The following NCAPG2 variants were observed in gnomAD, a reference collection of about 807,000 sequenced individuals.
NCAPG2 encodes the protein non-SMC condensin II complex subunit G2.
Under a neutral mutation model 141.1 loss-of-function variants are expected in NCAPG2, and 53 were observed. That is an observed-to-expected ratio of 0.38 (90% CI 0.30 to 0.47). The LOEUF (loss-of-function observed/expected upper bound fraction) is 0.47. NCAPG2 is among the 20% of genes least tolerant of loss of function. The probability of loss-of-function intolerance (pLI) is 0.99; values close to 1 mark genes in which losing one functional copy is unlikely to be tolerated. For missense variants in NCAPG2, 1,087 were observed against 1,389.0 expected (o/e 0.78, Z 3.46); for synonymous variants, 499 against 490.7 (o/e 1.02, Z -0.22).
At chr7:158,634,418 T>C (rs1321481882) in intron 27 of NCAPG2, among the ~76,000 whole-genome samples, 3 of 152,198 alleles carry the variant, frequency 2.0e-5, no homozygotes, top group Admixed American at 6.5e-5. Context: ...TGTTATATTA[T>C]ATTAGGGAAT....
At chr7:158,643,242 G>A (rs1587070129) in intron 27 of NCAPG2, among the ~76,000 whole-genome samples, 1 of 152,204 alleles carries the variant, frequency 6.6e-6, no homozygotes, top group East Asian at 1.9e-4. Flanking sequence ...GGGATTACAG[G>A]CCTAATTTTT....
In NCAPG2 at chr7:158,658,417, G is replaced by C; in HGVS notation, c.1990-9C>G. 6.3e-7 allele frequency: 1 copy of C among 1,596,488 alleles called. No individual in the cohort carries two copies. Among genetic ancestry groups the C allele is most frequent in the South Asian group, 1.1e-5 (1 of 88,352 alleles). ...ATCTTGCAGCGATCATCCTAAAAGC[G>C]AAAAAAGAAAAACAAAACAAAGCAT... On this transcript the variant is annotated splice_polypyrimidine_tract_variant and intron_variant, in intron 16 of 27. Transcript: ENST00000356309.
In NCAPG2 at chr7:158,683,354, C is replaced by T; in HGVS notation, c.870G>A (p.Met290Ile). The change falls in exon 9 of 28, where the codon ATG (methionine) becomes ATA (isoleucine). Residue 290 changes from methionine (M) to isoleucine (I), a missense_variant. Transcript: ENST00000356309. ...TCCTCGGAAGGTGTATCCCGTGGAA[C>T]ATGAAGTCCTGGATGCAATCATTTT... ...AIENDCIQDF[M>I]FHGIHLPRRS... is the part of the protein sequence containing the mutation. The T allele has an allele frequency of 6.2e-7, 1 of 1,606,906 alleles. No individual in the cohort carries two copies. The highest frequency in any genetic ancestry group is 8.5e-7 in the Non-Finnish European group (1 of 1,177,196).
In NCAPG2 at chr7:158,681,334, GA is replaced by G. The variant is rs1371044338; in HGVS notation, c.925-519del. Among the ~76,000 whole-genome samples, 7 of 152,270 alleles carry G rather than the reference GA, an allele frequency of 4.6e-5. No individual in the cohort carries two copies. In the East Asian group the frequency reaches 1.3e-3, roughly 29 times the overall value. ...GTATCAAGTTCCTCCCAAAACTTAT[GA>G]AAAAATCAGAAAATGATCATTCTTG... On this transcript the variant is annotated intron_variant, in intron 9 of 27. Transcript: ENST00000356309.
Position 158,656,309 on chromosome 7 carries a change from G to A in NCAPG2, c.2339C>T (p.Ala780Val), listed in dbSNP as rs371403261. 2.4e-5 allele frequency: 39 copies of A among 1,614,204 alleles called. No homozygotes were observed. Among genetic ancestry groups the A allele is most frequent in the Non-Finnish European group, 3.0e-5 (35 of 1,180,046 alleles). ...AAGATGGTTAAGTTTCTTCCGAGGAGCAGAGAGCAAGCACTCGCGGTTCTT... is the reference window on the plus strand; with the variant it reads ...AAGATGGTTAAGTTTCTTCCGAGGAACAGAGAGCAAGCACTCGCGGTTCTT... ...HPKNRECLLS[A>V]PRKKLNHLLK... The change falls in exon 19 of 28, where the codon GCT becomes GTT. Residue 780 changes from alanine to valine, a missense_variant. Ala to Val is a moderately conservative substitution (Grantham distance 64). Coordinates refer to ENST00000356309, the MANE Select transcript of NCAPG2 (RefSeq NM_017760.7).
intron 21 of NCAPG2, 135 bp from the exon 22 acceptor site, chr7:158,654,829 A>C (rs1831781442): frequency 7.2e-7 from 1 of 1,393,732 alleles, no homozygotes; most frequent in African/African-American, 1.5e-5. Context: ...TTATAAAGGA[A>C]TTTTCATAAA....
Position 158,683,316 on chromosome 7 carries a change from T to G in NCAPG2, c.908A>C (p.His303Pro). The part of the protein sequence containing the change: ...GIHLPRRSPV[H>P]SKVREVLSYF... ...CAATCTTACCTCCCGCACTTTGGAATGCACTGGAGACCTCCTCGGAAGGTG... is the reference window on the plus strand; with the variant it reads ...CAATCTTACCTCCCGCACTTTGGAAGGCACTGGAGACCTCCTCGGAAGGTG... The change falls in exon 9 of 28, where the codon CAT (histidine) becomes CCT (proline). Residue 303 changes from histidine to proline, a missense_variant. Transcript: ENST00000356309. The G allele has an allele frequency of 6.3e-7, 1 of 1,596,582 alleles. No individual in the cohort carries two copies. The highest frequency in any genetic ancestry group is 8.5e-7 in the Non-Finnish European group (1 of 1,172,592).
chr7:158,658,283 A>C, intron 17 of NCAPG2, 55 bp downstream of exon 17: 1 of 1,481,020 alleles, frequency 6.8e-7, no homozygotes. Flanking sequence ...ATAATTCAGC[A>C]CAACAATGGA....
chr7:158,696,118 T>C (rs897846157), intron 2 of NCAPG2: 2 of 152,288 alleles, frequency 1.3e-5, no homozygotes, highest in Non-Finnish European at 2.9e-5. Flanking sequence ...ATGAATCAGA[T>C]GCTCACTCTT....
At chr7:158,660,401 CTTTTTTTTTTTTT>C (rs945928092) in intron 16 of NCAPG2, among the ~76,000 whole-genome samples, 3 of 72,820 alleles carry the variant, frequency 4.1e-5, no homozygotes, top group East Asian at 6.6e-4. Flanking sequence ...TTTCAGCTTT[CTTTTTTTTTTTTT>C]TTTTTTTTTT....
chr7:158,692,020 T>C (rs1200997758), intron 4 of NCAPG2, among the ~76,000 whole-genome samples: 1 of 152,208 alleles, frequency 6.6e-6, no homozygotes, highest in East Asian at 1.9e-4. Context: ...ATTAAACTAA[T>C]TAGGCCAGAC....
rs893046732 is a variant in NCAPG2, at chr7:158,672,097, G to C, written c.1327-431C>G. The stretch of plus-strand genomic sequence containing the variant: ...GGAACAGAGCCAGCGTGTGTGACTC[G>C]AACGCACTCTCGGCTGACTACAGTG... On this transcript the variant is annotated intron_variant, in intron 12 of 27. Transcript: ENST00000356309. Among the ~76,000 whole-genome samples the C allele has an allele frequency of 2.6e-5, 4 of 151,698 alleles. No homozygotes were observed. The East Asian group carries it at 7.8e-4, about 29-fold the overall frequency.
chr7:158,658,021 G>GCCTTC (rs1832145161), intron 17 of NCAPG2, among the ~76,000 whole-genome samples: 1 of 151,824 alleles, frequency 6.6e-6, no homozygotes, highest in Non-Finnish European at 1.5e-5. Context: ...GCTGCGGAAG[G>GCCTTC]CCGCAGGGTC....
chr7:158,653,836 G>A (rs1752567482), intron 22 of NCAPG2, among the ~76,000 whole-genome samples: 1 of 152,202 alleles, frequency 6.6e-6, no homozygotes, highest in Non-Finnish European at 1.5e-5. Context: ...ATGCAGCACT[G>A]GGATATTGGG....
chr7:158,650,697 G>T, intron 24 of NCAPG2, 135 bp downstream of exon 24: 1 of 1,120,242 alleles, frequency 8.9e-7, no homozygotes. Flanking sequence ...TAGCTGCTAG[G>T]AAAGTGCACC....
At chr7:158,698,537 G>A (rs1294487387) in intron 2 of NCAPG2, among the ~76,000 whole-genome samples, 1 of 152,216 alleles carries the variant, frequency 6.6e-6, no homozygotes, top group Admixed American at 6.5e-5. Context: ...ACACAGGTTT[G>A]TAGCCTAGGA....
At chr7:158,649,556 G>A (rs79922628) in intron 24 of NCAPG2, among the ~76,000 whole-genome samples, 2,172 of 152,218 alleles carry the variant, frequency 0.014, 22 homozygotes, top group Middle Eastern at 0.02. Flanking sequence ...ATAGCTCACC[G>A]GAATAAACAA....
chr7:158,698,358 T>A (rs10215422), intron 2 of NCAPG2, among the ~76,000 whole-genome samples: 45,965 of 152,110 alleles, frequency 0.3, 7,156 homozygotes, highest in East Asian at 0.4. Flanking sequence ...ACTCAGTTAT[T>A]CACCCAGAAC....
At chr7:158,657,433 G>T (rs1383813355) in intron 17 of NCAPG2, among the ~76,000 whole-genome samples, 1 of 152,212 alleles carries the variant, frequency 6.6e-6, no homozygotes, top group African/African-American at 2.4e-5. Flanking sequence ...AGTAACCCCA[G>T]ACTTAAAGTG....
Sources: allele counts gnomAD v4.1 joint callset (sites outside exome capture counted in the v4.1 genomes callset), GRCh38; gene constraint gnomAD v4.1.1; transcripts MANE v1.5; gene names NCBI Gene and HGNC (gene_info 2026-07-23, HGNC 2026-07-21).